The following PIK3R1 variants were observed in gnomAD, a reference collection of about 807,000 sequenced individuals.
PIK3R1 encodes phosphatidylinositol 3-kinase regulatory subunit alpha.
PIK3R1 carries 29 observed loss-of-function variants against 98.0 expected under a neutral mutation model. The ratio of observed to expected loss-of-function variants is 0.30; its 90% confidence interval spans 0.22 to 0.40. The LOEUF is 0.40. PIK3R1 is among the 10% of genes least tolerant of loss of function. The pLI, the probability that PIK3R1 is intolerant of heterozygous loss-of-function variation, is 1.00. For missense variants in PIK3R1, 596 were observed against 872.7 expected, an observed-to-expected ratio of 0.68 and a Z score of 3.99; for synonymous variants, 282 against 311.8, an observed-to-expected ratio of 0.90 and a Z score of 1.01.
chr5:68,296,680 C>CTATAGTTAGAATCTGAGGTAATTTAT (rs1475766497), intron 15 of PIK3R1, among the ~76,000 whole-genome samples: 3 of 151,756 alleles, frequency 2.0e-5, no homozygotes, highest in Admixed American at 2.0e-4. Flanking sequence ...CTCAAGGCTA[C>CTATAGTTAGAATCTGAGGTAATTTAT]TATAGTTAGA....
chr5:68,255,186 T>A (rs974223744), intron 2 of PIK3R1, among the ~76,000 whole-genome samples: 14 of 152,242 alleles, frequency 9.2e-5, no homozygotes, highest in African/African-American at 3.1e-4. Context: ...GGAGAATTGT[T>A]TCAGTCCCTG....
At chr5:68,247,413 C>T (rs1045864370) in intron 2 of PIK3R1, among the ~76,000 whole-genome samples, 2 of 152,196 alleles carry the variant, frequency 1.3e-5, no homozygotes, top group Non-Finnish European at 2.9e-5. Flanking sequence ...ATCCTCCCGC[C>T]TCAGCCTCCT....
chr5:68,252,971 C>T (rs1182681306), intron 2 of PIK3R1, among the ~76,000 whole-genome samples: 1 of 152,132 alleles, frequency 6.6e-6, no homozygotes, highest in Non-Finnish European at 1.5e-5. Context: ...TGGCACCTGA[C>T]ACAGTACTTG....
Position 68,297,600 on chromosome 5 carries a change from G to A in PIK3R1, c.2174G>A (p.Ter725=), listed in dbSNP as rs1417127941. ...AYPVYAQQRR[*] is the part of the protein sequence containing the mutation. ...CCAGTATATGCACAGCAGAGGCGAT[G>A]AAGCGCTTACTCTTTGATCCTTCTC... The change falls in exon 16 of 16, where the codon TGA becomes TAA. Residue 725 remains the stop codon, a stop_retained_variant. Transcript: ENST00000521381. 9 of 1,613,174 alleles carry A rather than the reference G, an allele frequency of 5.6e-6. No homozygotes were observed. The highest frequency in any genetic ancestry group is 2.2e-5 in the South Asian group (2 of 90,936).
At chr5:68,262,056 C>T (rs1222561519) in intron 2 of PIK3R1, among the ~76,000 whole-genome samples, 6 of 152,104 alleles carry the variant, frequency 3.9e-5, no homozygotes, top group Admixed American at 2.0e-4. Flanking sequence ...TGAGTCACTG[C>T]TACTTTTTCA....
In PIK3R1 at chr5:68,292,368, C is replaced by T. The variant is rs1315866587; in HGVS notation, c.1019+7C>T. 2 of 1,582,844 alleles carry T rather than the reference C, an allele frequency of 1.3e-6. No individual in the cohort carries two copies. The highest frequency in any genetic ancestry group is 1.7e-6 in the Non-Finnish European group (2 of 1,152,518). On this transcript the variant is annotated splice_region_variant and intron_variant, in intron 8 of 15. Coordinates refer to ENST00000521381, the MANE Select transcript of PIK3R1 (RefSeq NM_181523.3). ...ACTGGGGAGATATCTCGAGGTAAGGCTACAGAAACTTCATTTTCAGAGAGT... is the reference window on the plus strand; with the variant it reads ...ACTGGGGAGATATCTCGAGGTAAGGTTACAGAAACTTCATTTTCAGAGAGT...
intron 7 of PIK3R1, among the ~76,000 whole-genome samples, chr5:68,286,655 T>C (rs1340451971): frequency 6.6e-6 from 1 of 152,200 alleles, no homozygotes; most frequent in East Asian, 1.9e-4. Flanking sequence ...AGAAATTTGT[T>C]TAAGGCAAAG....
At position 68,226,629 on chromosome 5, in the gene PIK3R1, C is replaced by T. The variant is rs768825866; in HGVS notation, c.-47C>T. 3 of 1,457,626 alleles carry T rather than the reference C, an allele frequency of 2.1e-6. No homozygotes were observed. In the Admixed American group the frequency reaches 5.3e-5, roughly 26 times the overall value. The allele number at this position is 1,457,626 out of a possible 1,614,324, so 90.3% of individuals were successfully genotyped here. On this transcript the variant is annotated 5_prime_UTR_variant, in exon 2 of 16. Transcript: ENST00000521381. ...TTCATAAAAACGTAAAATCAGACTG[C>T]TCTGTACAACCAGGCTCAACTGTTG... is the stretch of plus-strand genomic sequence containing the variant.
chr5:68,281,701 G>A (rs762640612), intron 7 of PIK3R1, among the ~76,000 whole-genome samples: 3 of 152,174 alleles, frequency 2.0e-5, no homozygotes, highest in African/African-American at 4.8e-5. Context: ...GGTACTATAC[G>A]TGTGAAGTTT....
intron 1 of PIK3R1, among the ~76,000 whole-genome samples, chr5:68,216,354 G>C (rs936103752): frequency 3.9e-5 from 6 of 152,202 alleles, no homozygotes; most frequent in African/African-American, 1.2e-4. Flanking sequence ...GGAGGAGAGC[G>C]CCCTGGCCGC....
intron 2 of PIK3R1, among the ~76,000 whole-genome samples, chr5:68,252,384 A>G (rs1201980311): frequency 6.6e-6 from 1 of 150,862 alleles, no homozygotes; most frequent in East Asian, 1.9e-4. Flanking sequence ...AAAAAAAAAA[A>G]GTGGGGGGAT....
chr5:68,272,265 A>AAAAG (rs34027260), intron 2 of PIK3R1, among the ~76,000 whole-genome samples: 43,106 of 146,054 alleles, frequency 0.3, 7,480 homozygotes, highest in African/African-American at 0.48. Flanking sequence ...AAAAAAAAAA[A>AAAAG]AAAAAGAAAA....
At chr5:68,281,126 A>G (rs1284877057) in intron 7 of PIK3R1, 120 bp downstream of exon 7, 8 of 646,298 alleles carry the variant, frequency 1.2e-5, no homozygotes, top group Middle Eastern at 2.6e-4. Flanking sequence ...GTTGGTAGTA[A>G]TATGTTACCT....
intron 7 of PIK3R1, among the ~76,000 whole-genome samples, chr5:68,289,630 G>A (rs550881368): frequency 6.6e-6 from 1 of 151,862 alleles, no homozygotes; most frequent in African/African-American, 2.4e-5. Flanking sequence ...TGTACAGTAG[G>A]CTCCTATAAG....
Position 68,299,311 on chromosome 5 carries a change from A to G in PIK3R1, c.*1710A>G, listed in dbSNP as rs1331377238. ...TTCCATTTGGTTTAGAACATAAAGC[A>G]AATAGACACAGTCATACTGTCACTG... On this transcript the variant is annotated 3_prime_UTR_variant, in exon 16 of 16. Coordinates refer to ENST00000521381, the MANE Select transcript of PIK3R1 (RefSeq NM_181523.3). The G allele has an allele frequency of 4.3e-6, 1 of 232,396 alleles. No individual in the cohort carries two copies. The highest frequency in any genetic ancestry group is 6.1e-5 in the East Asian group (1 of 16,506). 14.4% of individuals were successfully genotyped at this position (232,396 alleles called of 1,614,324 possible). A position where few individuals can be genotyped will look rare whatever the true frequency, so the allele number is the denominator to read the frequency against.
intron 2 of PIK3R1, among the ~76,000 whole-genome samples, chr5:68,252,720 A>G (rs917777093): frequency 4.6e-5 from 7 of 152,176 alleles, no homozygotes; most frequent in African/African-American, 9.7e-5. Flanking sequence ...CAGATCCCCA[A>G]TTTTGGGGGT....
At chr5:68,271,844 G>A (rs1432866354) in intron 2 of PIK3R1, among the ~76,000 whole-genome samples, 1 of 152,208 alleles carries the variant, frequency 6.6e-6, no homozygotes, top group South Asian at 2.1e-4. Context: ...CTGAAAGAAT[G>A]TTTTTGCAAA....
At chr5:68,257,077 C>T (rs983775805) in intron 2 of PIK3R1, among the ~76,000 whole-genome samples, 1 of 152,192 alleles carries the variant, frequency 6.6e-6, no homozygotes, top group Non-Finnish European at 1.5e-5. Context: ...GGTGGGAGCA[C>T]CACAGAAGCA....
intron 4 of PIK3R1, among the ~76,000 whole-genome samples, chr5:68,276,821 T>C (rs1443652825): frequency 6.6e-6 from 1 of 152,206 alleles, no homozygotes; most frequent in Non-Finnish European, 1.5e-5. Flanking sequence ...ATGAATTAAC[T>C]TCACTTGTGG....
Sources: gnomAD v4.1 joint callset for allele counts (sites outside exome capture counted in the v4.1 genomes callset) on GRCh38, gnomAD v4.1.1 for gene constraint, MANE v1.5 for transcripts, NCBI Gene and HGNC (gene_info 2026-07-23, HGNC 2026-07-21) for gene names.